Variants in COL12A1 observed in about 807,000 individuals in gnomAD.
COL12A1 encodes the protein collagen type XII alpha 1 chain.
A neutral mutation model predicts 349.7 loss-of-function variants in COL12A1; 114 were observed. That is an observed-to-expected ratio of 0.33 (90% confidence interval 0.28 to 0.38). COL12A1 has a LOEUF of 0.38. COL12A1 is among the 10% of genes least tolerant of loss of function. The pLI is 1.00. For synonymous variants in COL12A1, 1,369 were observed against 1,329.0 expected, an observed-to-expected ratio of 1.03 and a Z score of -0.66; for missense variants, 3,284 against 3,756.9, an observed-to-expected ratio of 0.87 and a Z score of 3.29.
chr6:75,101,395 CT>C (rs1222436771), intron 58 of COL12A1, among the ~76,000 whole-genome samples: 1 of 152,184 alleles, frequency 6.6e-6, no homozygotes, highest in East Asian at 1.9e-4. Flanking sequence ...ATTTCAAAGA[CT>C]CCCCTGGAGT....
chr6:75,181,069 C>T lies in COL12A1; in HGVS notation c.2034G>A (p.Val678=). 6.2e-7 allele frequency: 1 copy of T among 1,614,026 alleles called. No individual in the cohort carries two copies. The highest frequency in any genetic ancestry group is 8.5e-7 in the Non-Finnish European group (1 of 1,180,004). Reference sequence around the variant, plus strand: ...CAACACTGGTGCTCGATGCTGGCTCCACCACAGTGACCTCATCATCCCCAG... The same window carrying T: ...CAACACTGGTGCTCGATGCTGGCTCTACCACAGTGACCTCATCATCCCCAG... ...EAAGDDEVTV[V]EPASSTSVVL... Residue 678 remains valine, a synonymous_variant, in exon 11 of 66, where the codon GTG becomes GTA. Coordinates refer to ENST00000322507, the MANE Select transcript of COL12A1 (RefSeq NM_004370.6).
At chr6:75,089,209 A>C in intron 63 of COL12A1, 35 bp from the exon 64 acceptor site, 1 of 1,471,628 alleles carries the variant, frequency 6.8e-7, no homozygotes, top group Non-Finnish European at 9.3e-7. Flanking sequence ...CACAGGGGAA[A>C]AATTATCTGG....
chr6:75,092,500 G>A (rs187103802), intron 60 of COL12A1, among the ~76,000 whole-genome samples: 4 of 152,188 alleles, frequency 2.6e-5, no homozygotes, highest in Admixed American at 2.6e-4. Context: ...TTTCCTTAGA[G>A]TGCAACAAGT....
At chr6:75,137,626 C>T (rs768069143) in intron 30 of COL12A1, 47 bp from the exon 31 acceptor site, 1 of 1,606,358 alleles carries the variant, frequency 6.2e-7, no homozygotes, top group Non-Finnish European at 8.5e-7. Context: ...AGAACAATGC[C>T]TCCCCCTAAA....
chr6:75,090,381 G>T lies in COL12A1; in HGVS notation c.8753-83C>A. 7.5e-7 allele frequency: 1 copy of T among 1,337,004 alleles called. No homozygotes were observed. Among genetic ancestry groups the T allele is most frequent in the Non-Finnish European group, 1.0e-6 (1 of 974,466 alleles). 82.8% of individuals were successfully genotyped at this position (1,337,004 alleles called of 1,614,324 possible). A position where few individuals can be genotyped will look rare whatever the true frequency, so the allele number is the denominator to read the frequency against. On this transcript the variant is annotated intron_variant, in intron 62 of 65. Coordinates refer to ENST00000322507, the MANE Select transcript of COL12A1 (RefSeq NM_004370.6). This position sits in a 1 kb window ranked among gnomAD's most constrained non-coding sequence, Gnocchi z 4.1. ...TGAAACTGTTTTCTCTTAGTGTCTAGTGAAATCCATCTCCATTCTGCAACC... is the reference window on the plus strand; with the variant it reads ...TGAAACTGTTTTCTCTTAGTGTCTATTGAAATCCATCTCCATTCTGCAACC...
At chr6:75,170,654 A>G (rs1250868476) in intron 13 of COL12A1, among the ~76,000 whole-genome samples, 1 of 152,230 alleles carries the variant, frequency 6.6e-6, no homozygotes, top group Non-Finnish European at 1.5e-5. Flanking sequence ...AGAAAAAGGA[A>G]ATAGAAATTA....
intron 63 of COL12A1, 51 bp from the exon 64 acceptor site, chr6:75,089,225 T>C: frequency 1.5e-6 from 2 of 1,343,046 alleles, no homozygotes; most frequent in South Asian, 1.3e-5. Context: ...TCTGGAAGCA[T>C]GTAATTTTCA....
intron 13 of COL12A1, among the ~76,000 whole-genome samples, chr6:75,172,301 T>C (rs191656120): frequency 2.1e-3 from 316 of 152,334 alleles, no homozygotes; most frequent in Admixed American, 3.9e-3. Flanking sequence ...TTAAATACAA[T>C]TTGTAATATA....
At chr6:75,087,420 C>G (rs1471655483) in intron 65 of COL12A1, 157 bp downstream of exon 65, 1 of 664,632 alleles carries the variant, frequency 1.5e-6, no homozygotes, top group African/African-American at 1.9e-5. Context: ...ATGTTGTGTG[C>G]TATGATAGCA....
chr6:75,104,809 T>TCTAGGTTCTCAA (rs1768468306), intron 54 of COL12A1, among the ~76,000 whole-genome samples: 1 of 152,206 alleles, frequency 6.6e-6, no homozygotes, highest in South Asian at 2.1e-4. Context: ...ATGCACATGT[T>TCTAGGTTCTCAA]CTAGGTTCTC....
Position 75,102,476 on chromosome 6 carries a change from C to T in COL12A1, c.8415+121G>A, listed in dbSNP as rs139336999. 8.4e-3 allele frequency: 5,445 copies of T among 645,238 alleles called. 49 individuals are homozygous for T. The highest frequency in any genetic ancestry group is 0.025 in the Middle Eastern group (90 of 3,562). The allele number at this position is 645,238 out of a possible 1,614,324, so 40.0% of individuals were successfully genotyped here. A position where few individuals can be genotyped will look rare whatever the true frequency, so the allele number is the denominator to read the frequency against. ...ACAGTCATCATAGAGGCTGCTATCTCGGTGACTAACCTCGTTGAATTATCT... is the reference window on the plus strand; with the variant it reads ...ACAGTCATCATAGAGGCTGCTATCTTGGTGACTAACCTCGTTGAATTATCT... On this transcript the variant is annotated intron_variant, in intron 56 of 65. Coordinates refer to ENST00000322507, the MANE Select transcript of COL12A1 (RefSeq NM_004370.6).
intron 11 of COL12A1, among the ~76,000 whole-genome samples, chr6:75,180,419 G>T (rs1051162624): frequency 3.3e-5 from 5 of 152,134 alleles, no homozygotes; most frequent in African/African-American, 7.2e-5. Context: ...TCTAAAGACG[G>T]ATGGTGGTGA....
Position 75,086,292 on chromosome 6 carries a change from T to G in COL12A1, c.*255A>C, listed in dbSNP as rs975472045. 1.7e-5 allele frequency: 4 copies of G among 242,354 alleles called. No homozygotes were observed. Among genetic ancestry groups the G allele is most frequent in the Non-Finnish European group, 2.5e-5 (3 of 122,182 alleles). 15.0% of individuals were successfully genotyped at this position (242,354 alleles called of 1,614,324 possible). On this transcript the variant is annotated 3_prime_UTR_variant, in exon 66 of 66. Coordinates refer to ENST00000322507, the MANE Select transcript of COL12A1 (RefSeq NM_004370.6). ...CTCCTCATGGCTGTGTGTTGGAACT[T>G]TTTTAAAATAATGTTTTTCTACATT...
intron 11 of COL12A1, among the ~76,000 whole-genome samples, chr6:75,179,362 G>T (rs1308694251): frequency 6.6e-6 from 1 of 151,932 alleles, no homozygotes; most frequent in Non-Finnish European, 1.5e-5. Context: ...CCAAAATGCT[G>T]AAAAGAAAGG....
chr6:75,187,895 T>C (rs1384444866), intron 8 of COL12A1, among the ~76,000 whole-genome samples: 1 of 152,150 alleles, frequency 6.6e-6, no homozygotes, highest in African/African-American at 2.4e-5. Flanking sequence ...TTTGAAATAT[T>C]CTTAAAAGCT....
rs1376190834 is a variant in COL12A1, at chr6:75,183,594, A to G, written c.1347T>C (p.Tyr449=). 9 of 1,613,612 alleles carry G rather than the reference A, an allele frequency of 5.6e-6. No individual in the cohort carries two copies. The highest frequency in any genetic ancestry group is 1.1e-5 in the South Asian group (1 of 90,928). ...ADIVFLVDGS[Y]SIGIANFVKV... ...TAACAAAGTTTGCAATCCCAATGCT[A>G]TAGGAGCCATCAACCAAAAACACAA... The change falls in exon 10 of 66, where the codon TAT becomes TAC. Residue 449 remains tyrosine (Y), a synonymous_variant. Coordinates refer to ENST00000322507, the MANE Select transcript of COL12A1 (RefSeq NM_004370.6).
intron 23 of COL12A1, 57 bp from the exon 24 acceptor site, chr6:75,146,301 A>G (rs1767192066): frequency 1.3e-6 from 2 of 1,504,410 alleles, no homozygotes; most frequent in Non-Finnish European, 1.8e-6. Flanking sequence ...ACTCATTTTT[A>G]ACCATTGTTT....
intron 64 of COL12A1, among the ~76,000 whole-genome samples, chr6:75,087,978 G>A (rs139425184): frequency 2.6e-5 from 4 of 152,274 alleles, no homozygotes; most frequent in African/African-American, 9.6e-5. Context: ...CAGAAAACCT[G>A]ATTTAGCAAA....
chr6:75,135,619 G>T (rs1055218415), intron 31 of COL12A1, among the ~76,000 whole-genome samples: 4 of 152,170 alleles, frequency 2.6e-5, no homozygotes, highest in Non-Finnish European at 4.4e-5. Flanking sequence ...ATGGCACACT[G>T]CCCAAAATGA....
Sources: gnomAD v4.1 joint callset for allele counts (sites outside exome capture counted in the v4.1 genomes callset) on GRCh38, gnomAD v4.1.1 for gene constraint, Gnocchi (gnomAD v3.1) non-coding constraint, MANE v1.5 for transcripts, NCBI Gene and HGNC (gene_info 2026-07-23, HGNC 2026-07-21) for gene names.